Variants in PRMT8 observed in about 807,000 individuals in gnomAD.
PRMT8 encodes protein arginine N-methyltransferase 8.
PRMT8 carries 7 observed loss-of-function variants against 47.1 expected under a neutral mutation model. The ratio of observed to expected loss-of-function variants is 0.15; its 90% CI spans 0.08 to 0.28. The LOEUF (loss-of-function observed/expected upper bound fraction) is 0.28. PRMT8 is among the 10% of genes least tolerant of loss of function. The pLI is 1.00. For synonymous variants in PRMT8, 188 were observed against 186.5 expected, an observed-to-expected ratio of 1.01 and a Z score of -0.07; for missense variants, 237 against 505.4, an observed-to-expected ratio of 0.47 and a Z score of 5.09.
chr12:3,405,060 G>C (rs1232783040), intron 1 of PRMT8, among the ~76,000 whole-genome samples: 5 of 152,100 alleles, frequency 3.3e-5, no homozygotes, highest in Non-Finnish European at 7.3e-5. Context: ...ACCCGAGACT[G>C]GGTAATTTAT....
At position 3,572,463 on chromosome 12, in the gene PRMT8, A is replaced by T. The variant is rs1267008673; in HGVS notation, c.712+2899A>T. On this transcript the variant is annotated intron_variant, in intron 6 of 9. Transcript: ENST00000382622. The surrounding 1 kb of genome is among the most constrained non-coding windows in gnomAD (Gnocchi z 5.9). ...GAATCTACACCCTGCTGAGAATGAG[A>T]GAGATGGGCACCAGTTTCTTGGCTG... Among the ~76,000 whole-genome samples the T allele has an allele frequency of 1.3e-5, 2 of 152,182 alleles. No individual in the cohort carries two copies. The highest frequency in any genetic ancestry group is 2.9e-5 in the Non-Finnish European group (2 of 68,024).
intron 8 of PRMT8, among the ~76,000 whole-genome samples, chr12:3,591,125 G>A (rs1394989587): frequency 6.6e-6 from 1 of 152,142 alleles, no homozygotes; most frequent in Non-Finnish European, 1.5e-5. Context: ...AAGGACGGTG[G>A]CCTCTGAGGC....
At chr12:3,511,332 T>G (rs1383314132) in intron 1 of PRMT8, among the ~76,000 whole-genome samples, 4 of 151,814 alleles carry the variant, frequency 2.6e-5, no homozygotes, top group Non-Finnish European at 5.9e-5. Flanking sequence ...GCATAGAAGG[T>G]GGAGGTTTGG....
chr12:3,496,125 T>A (rs1865500118), intron 1 of PRMT8, among the ~76,000 whole-genome samples: 1 of 147,820 alleles, frequency 6.8e-6, no homozygotes, highest in South Asian at 2.2e-4. Context: ...ACTCCCTGAT[T>A]AGGGTTTTAT....
At chr12:3,435,476 A>G (rs1300779951) in intron 1 of PRMT8, among the ~76,000 whole-genome samples, 1 of 149,016 alleles carries the variant, frequency 6.7e-6, no homozygotes, top group Non-Finnish European at 1.5e-5. Flanking sequence ...CAAGTGCCAT[A>G]TGGCTGTAGA....
At chr12:3,472,700 C>T (rs370870416) in intron 1 of PRMT8, among the ~76,000 whole-genome samples, 39 of 152,274 alleles carry the variant, frequency 2.6e-4, no homozygotes, top group South Asian at 2.1e-4. Context: ...CAGAGCATCT[C>T]GGTCTCCATA....
At chr12:3,507,723 C>G (rs1417818728) in intron 1 of PRMT8, among the ~76,000 whole-genome samples, 1 of 151,028 alleles carries the variant, frequency 6.6e-6, no homozygotes, top group African/African-American at 2.4e-5. Context: ...ATAGCACATA[C>G]TATTCCTTTT....
chr12:3,416,454 A>G (rs1033433143), intron 1 of PRMT8, among the ~76,000 whole-genome samples: 8 of 152,200 alleles, frequency 5.3e-5, no homozygotes, highest in African/African-American at 1.9e-4. Context: ...GCAGGAATCA[A>G]TTCTCCATTT....
At chr12:3,525,770 T>G (rs1865942642) in intron 1 of PRMT8, among the ~76,000 whole-genome samples, 1 of 152,236 alleles carries the variant, frequency 6.6e-6, no homozygotes, top group Non-Finnish European at 1.5e-5. Flanking sequence ...TAAGGATTGC[T>G]GATTTCGGTG....
rs572727335 is a variant in PRMT8, at chr12:3,469,047, A to G, written c.49-71559A>G. ...AACTGTGCACAATGCGTGCCTGACA[A>G]CAAGGCCATTAAGAAATTCATCATT... On this transcript the variant is annotated intron_variant, in intron 1 of 9. Coordinates refer to the PRMT8 transcript ENST00000452611. 2.8e-4 allele frequency: 124 copies of G among 440,064 alleles called. 1 individual carries two copies. Among genetic ancestry groups the G allele is most frequent in the South Asian group, 7.5e-4 (40 of 53,004 alleles). The allele number at this position is 440,064 out of a possible 1,614,324, so 27.3% of individuals were successfully genotyped here. A position where few individuals can be genotyped will look rare whatever the true frequency, so the allele number is the denominator to read the frequency against.
intron 1 of PRMT8, among the ~76,000 whole-genome samples, chr12:3,478,266 A>G (rs555230056): frequency 9.9e-6 from 1 of 100,980 alleles, no homozygotes; most frequent in South Asian, 3.3e-4. Context: ...CCTATCATCT[A>G]TCTATCTATC....
intron 1 of PRMT8, among the ~76,000 whole-genome samples, chr12:3,427,303 T>A (rs1864615862): frequency 6.6e-6 from 1 of 152,190 alleles, no homozygotes; most frequent in East Asian, 1.9e-4. Context: ...TATAGACTCT[T>A]TTTAACCTTT....
chr12:3,465,681 G>T (rs887951374), intron 1 of PRMT8, among the ~76,000 whole-genome samples: 1 of 152,110 alleles, frequency 6.6e-6, no homozygotes, highest in Non-Finnish European at 1.5e-5. Flanking sequence ...GTAAACAGAC[G>T]CTGAAATTTA....
chr12:3,384,770 G>A (rs562812079), intron 1 of PRMT8, among the ~76,000 whole-genome samples: 2 of 152,178 alleles, frequency 1.3e-5, no homozygotes, highest in Non-Finnish European at 2.9e-5. Flanking sequence ...GGAGTCCCAT[G>A]AATAGTTTAA....
chr12:3,478,261 CATCTATCTATCTATCT>C (rs760728898), intron 1 of PRMT8, among the ~76,000 whole-genome samples: 3 of 127,414 alleles, frequency 2.4e-5, no homozygotes, highest in Non-Finnish European at 3.4e-5. Flanking sequence ...ATCCACCTAT[CATCTATCTATCTATCT>C]ATCTATCTAT....
At chr12:3,401,459 T>C (rs1025425159) in intron 1 of PRMT8, among the ~76,000 whole-genome samples, 6 of 151,946 alleles carry the variant, frequency 3.9e-5, no homozygotes, top group African/African-American at 1.5e-4. Context: ...CAACATAGTA[T>C]TGGCCAAGCA....
In PRMT8 at chr12:3,538,275, A is replaced by ATTCCAGCATCT. The variant is rs1459882747; in HGVS notation, c.76-2330_76-2320dup. 6.0e-6 allele frequency: 1 copy of ATTCCAGCATCT among 166,994 alleles called. No homozygotes were observed. Among genetic ancestry groups the ATTCCAGCATCT allele is most frequent in the African/African-American group, 2.4e-5 (1 of 41,986 alleles). 10.3% of individuals were successfully genotyped at this position (166,994 alleles called of 1,614,324 possible). A position where few individuals can be genotyped will look rare whatever the true frequency, so the allele number is the denominator to read the frequency against. ...GAACTTCTCTTGTAGAACAAACCTTATTCCAGCATCTATCAGAGACAATAA... is the reference window on the plus strand; with the variant it reads ...GAACTTCTCTTGTAGAACAAACCTTATTCCAGCATCTTTCCAGCATCTATCAGAGACAATAA... On this transcript the variant is annotated intron_variant, in intron 1 of 9. Coordinates refer to ENST00000382622, the MANE Select transcript of PRMT8 (RefSeq NM_019854.5). The surrounding 1 kb of genome is among the most constrained non-coding windows in gnomAD (Gnocchi z 4.6).
intron 1 of PRMT8, among the ~76,000 whole-genome samples, chr12:3,401,483 A>G (rs1864316132): frequency 6.6e-6 from 1 of 152,124 alleles, no homozygotes; most frequent in Admixed American, 6.5e-5. Context: ...AGGCAAGAGA[A>G]AGAAATAAAG....
upstream of PRMT8, among the ~76,000 whole-genome samples, chr12:3,490,734 T>C (rs1274372161): frequency 8.2e-6 from 1 of 121,598 alleles, no homozygotes; most frequent in African/African-American, 2.9e-5. Context: ...GGATAAAGAA[T>C]GACACCACAC....
Sources: allele counts gnomAD v4.1 joint callset (sites outside exome capture counted in the v4.1 genomes callset), GRCh38; gene constraint gnomAD v4.1.1; non-coding constraint Gnocchi (gnomAD v3.1); transcripts MANE v1.5; gene names NCBI Gene and HGNC (gene_info 2026-07-23, HGNC 2026-07-21).